Variants in MYH7B observed in about 807,000 individuals in gnomAD.
The protein encoded by MYH7B is myosin-7B.
A neutral mutation model predicts 234.5 loss-of-function variants in MYH7B; 205 were observed. The observed-to-expected ratio is 0.87, with a 90% CI of 0.78 to 0.98. The LOEUF (loss-of-function observed/expected upper bound fraction) is 0.98. Among genes scored for constraint, MYH7B ranks in the 50% least tolerant of loss-of-function variants. The pLI, the probability that MYH7B is intolerant of heterozygous loss-of-function variation, is 0.00. For synonymous variants in MYH7B, 1,193 were observed against 1,105.0 expected, an observed-to-expected ratio of 1.08 and a Z score of -1.58; for missense variants, 2,652 against 2,633.4, an observed-to-expected ratio of 1.01 and a Z score of -0.15.
At chr20:34,990,906 A>C in intron 23 of MYH7B, 81 bp downstream of exon 23, 11 of 1,572,752 alleles carry the variant, frequency 7.0e-6, no homozygotes, top group South Asian at 1.1e-5. Flanking sequence ...GGCTGAGTAC[A>C]TCTTCCCCCT....
At chr20:34,962,543 C>T (rs769677148) in intron 2 of MYH7B, among the ~76,000 whole-genome samples, 69 of 152,258 alleles carry the variant, frequency 4.5e-4, no homozygotes, top group Non-Finnish European at 7.5e-4. Context: ...GCTTAAGTCC[C>T]TTATATAAAA....
exon 24 of MYH7B, chr20:34,991,049 G>A: frequency 6.2e-7 from 1 of 1,613,946 alleles, no homozygotes; most frequent in Non-Finnish European, 8.5e-7. Context: ...CGCTGCAATG[G>A]GGTCCTGGAG....
chr20:34,999,762 ACCCT>A, intron 37 of MYH7B, 25 bp from the exon 38 acceptor site: 1 of 576,886 alleles, frequency 1.7e-6, no homozygotes, highest in South Asian at 2.4e-5. Flanking sequence ...CCCCCCCCCC[ACCCT>A]ACCCTGCCTG....
chr20:34,979,864 A>C lies in MYH7B; in HGVS notation c.342+60A>C, dbSNP rs1442715899. On this transcript the variant is annotated intron_variant, in intron 7 of 44. Transcript: ENST00000262873. ...GCTTGTATGTGGGGCGGGGCTAGAG[A>C]TGAGGTGCTGGGGGCGGGCCCATAG... 1.3e-5 allele frequency: 20 copies of C among 1,523,822 alleles called. No individual in the cohort carries two copies. The East Asian group carries it at 4.4e-4, about 33-fold the overall frequency. 94.4% of individuals were successfully genotyped at this position (1,523,822 alleles called of 1,614,324 possible). A position where few individuals can be genotyped will look rare whatever the true frequency, so the allele number is the denominator to read the frequency against.
At chr20:34,997,062 C>T (rs1404390228) in intron 30 of MYH7B, 21 bp from the exon 31 acceptor site, 1 of 1,339,606 alleles carries the variant, frequency 7.5e-7, no homozygotes, top group African/African-American at 3.3e-5. Context: ...CTGTGCTGGC[C>T]ACCCACTCTG....
chr20:34,977,103 TTCTCCTTCTC>T (rs2081866649), intron 3 of MYH7B, among the ~76,000 whole-genome samples: 1 of 142,112 alleles, frequency 7.0e-6, no homozygotes, highest in African/African-American at 2.6e-5. Flanking sequence ...TGATCTGTTC[TTCTCCTTCTC>T]TCTCCTTCTC....
At position 34,985,081 on chromosome 20, in the gene MYH7B, A is replaced by G. The variant is rs2081996826; in HGVS notation, c.757A>G (p.Ile253Val). Residue 253 changes from isoleucine to valine, a missense_variant, in exon 13 of 45, where the codon ATT becomes GTT. Around this residue, in one of 3 missense-constraint regions of MYH7B, gnomAD observed 366 missense variants for 401.2 expected, o/e 0.91. Coordinates refer to ENST00000262873, the Ensembl canonical transcript of MYH7B. ...CTGCCCACAGGGCAAGTTCATCCGC[A>G]TTCACTTTGGTCCCTCTGGGAAGCT... is the stretch of plus-strand genomic sequence containing the variant. 10 of 1,614,066 alleles carry G rather than the reference A, an allele frequency of 6.2e-6. No homozygotes were observed. Among genetic ancestry groups the G allele is most frequent in the Non-Finnish European group, 5.1e-6 (6 of 1,179,960 alleles).
At chr20:34,983,272 C>A (rs937998547) in intron 10 of MYH7B, among the ~76,000 whole-genome samples, 3 of 134,446 alleles carry the variant, frequency 2.2e-5, no homozygotes, top group African/African-American at 8.3e-5. Context: ...TTTTCTCTTT[C>A]TTTTTTCTTT....
At chr20:34,988,351 T>C (rs1044596556) in intron 19 of MYH7B, 89 bp downstream of exon 19, 2 of 1,416,242 alleles carry the variant, frequency 1.4e-6, no homozygotes, top group African/African-American at 2.8e-5. Flanking sequence ...CATGGAAGCC[T>C]GCAAGTGTGC....
chr20:34,995,614 G>A lies in MYH7B; in HGVS notation c.2943+36G>A, dbSNP rs745648703. 8.7e-6 allele frequency: 14 copies of A among 1,607,990 alleles called. No individual in the cohort carries two copies. The East Asian group carries it at 2.2e-4, about 26-fold the overall frequency. ...GGCCAGCTGTGGGGAAGGGCCCTGA[G>A]CCAGGGGCCAGCTTTGGGGCCAGGT... On this transcript the variant is annotated intron_variant, in intron 28 of 44. Transcript: ENST00000262873.
At chr20:34,979,326 C>G (rs529535821) in intron 5 of MYH7B, 64 bp from the exon 6 acceptor site, 6 of 1,324,106 alleles carry the variant, frequency 4.5e-6, no homozygotes, top group Non-Finnish European at 6.3e-6. Flanking sequence ...GGCTTGGGAA[C>G]TCCAGCTAGA....
intron 7 of MYH7B, 59 bp from the exon 8 acceptor site, chr20:34,980,519 C>T: frequency 7.0e-7 from 1 of 1,436,020 alleles, no homozygotes; most frequent in Non-Finnish European, 9.8e-7. Flanking sequence ...GCCTGGGAGA[C>T]AGAGCAAGAC....
intron 21 of MYH7B, 41 bp from the exon 22 acceptor site, chr20:34,990,193 G>C (rs1409134347): frequency 6.2e-7 from 1 of 1,614,006 alleles, no homozygotes; most frequent in Admixed American, 1.7e-5. Context: ...GGCCCACAGA[G>C]CGACATTCCC....
Position 34,999,046 on chromosome 20 carries a change from C to T in MYH7B, c.4191-10C>T, listed in dbSNP as rs2147238516. 6.2e-7 allele frequency: 1 copy of T among 1,603,452 alleles called. No individual in the cohort carries two copies. The highest frequency in any genetic ancestry group is 2.2e-5 in the East Asian group (1 of 44,788). On this transcript the variant is annotated splice_polypyrimidine_tract_variant and intron_variant, in intron 35 of 44. Coordinates refer to ENST00000262873, the Ensembl canonical transcript of MYH7B. ...CCATGGTCCACACCTTGTCTGGTTC[C>T]ATGGCCTAGAAAAAAGCTGGCACTG... is the stretch of plus-strand genomic sequence containing the variant.
intron 10 of MYH7B, among the ~76,000 whole-genome samples, chr20:34,983,249 C>CT: frequency 8.2e-6 from 1 of 122,472 alleles, no homozygotes; most frequent in East Asian, 2.6e-4. Context: ...CCCCTGTTTT[C>CT]TTTCTTTCTT....
intron 2 of MYH7B, among the ~76,000 whole-genome samples, chr20:34,965,045 T>G (rs1474048487): frequency 2.6e-5 from 4 of 152,226 alleles, no homozygotes; most frequent in Non-Finnish European, 5.9e-5. Context: ...CAGGTACTAT[T>G]AGTATTCCCA....
chr20:34,970,167 C>G (rs1484231994), intron 2 of MYH7B, among the ~76,000 whole-genome samples: 1 of 152,178 alleles, frequency 6.6e-6, no homozygotes, highest in African/African-American at 2.4e-5. Context: ...TCATGCCCTC[C>G]CTCTTCCTAA....
At position 34,961,192 on chromosome 20, in the gene MYH7B, G is replaced by A. The variant is rs554628210; in HGVS notation, c.-222+2980G>A. On this transcript the variant is annotated intron_variant, in intron 2 of 44. Coordinates refer to ENST00000262873, the Ensembl canonical transcript of MYH7B. ...TCTTCTCCACTTGTTATATACTTAT[G>A]TATCCACTTACTTTTTGGCAGGATG... 2.0e-5 allele frequency among the ~76,000 whole-genome samples: 3 copies of A among 152,276 alleles called. No homozygotes were observed. The South Asian group carries it at 6.2e-4, about 32-fold the overall frequency.
intron 2 of MYH7B, among the ~76,000 whole-genome samples, chr20:34,961,381 A>C (rs2081696154): frequency 6.6e-6 from 1 of 152,170 alleles, no homozygotes; most frequent in South Asian, 2.1e-4. Context: ...TTGCAAAATA[A>C]AACACTGCTA....
Sources: allele counts gnomAD v4.1 joint callset (sites outside exome capture counted in the v4.1 genomes callset), GRCh38; gene constraint gnomAD v4.1.1; regional missense constraint gnomAD v4.1.1; transcripts MANE v1.5; gene names NCBI Gene and HGNC (gene_info 2026-07-23, HGNC 2026-07-21).